The following SRGAP2C variants were observed in gnomAD, a reference collection of about 807,000 sequenced individuals.
SRGAP2C encodes the protein SLIT-ROBO Rho GTPase activating protein 2C.
A neutral mutation model predicts 25.1 loss-of-function variants in SRGAP2C; 15 were observed. The observed-to-expected ratio is 0.60, with a 90% CI of 0.40 to 0.92. The LOEUF is 0.92. Ranked by LOEUF, SRGAP2C falls within the 40% of genes least tolerant of loss-of-function variation. The pLI, the probability that SRGAP2C is intolerant of heterozygous loss-of-function variation, is 0.00. For synonymous variants in SRGAP2C, 44 were observed against 96.6 expected, an observed-to-expected ratio of 0.46 and a Z score of 3.19; for missense variants, 144 against 264.4, an observed-to-expected ratio of 0.54 and a Z score of 3.16.
intron 2 of SRGAP2C, among the ~76,000 whole-genome samples, chr1:121,234,968 T>C (rs1655911215): frequency 6.6e-6 from 1 of 151,698 alleles, no homozygotes; most frequent in African/African-American, 2.4e-5. Context: ...TCTTCTTTTC[T>C]TTCCTCCCTC....
At chr1:121,239,212 A>G (rs1469220281) in intron 2 of SRGAP2C, among the ~76,000 whole-genome samples, 1 of 4,536 alleles carries the variant, frequency 2.2e-4, no homozygotes, top group African/African-American at 1.9e-3. Flanking sequence ...ATATATATAT[A>G]TATATATATA....
At chr1:121,257,281 A>C (rs1401741947) in intron 2 of SRGAP2C, among the ~76,000 whole-genome samples, 2 of 147,430 alleles carry the variant, frequency 1.4e-5, no homozygotes, top group Non-Finnish European at 3.0e-5. Flanking sequence ...ATGCCCAGCT[A>C]ATTTTTGTAT....
At chr1:121,322,176 A>G (rs1476887838) in intron 3 of SRGAP2C, among the ~76,000 whole-genome samples, 2 of 149,680 alleles carry the variant, frequency 1.3e-5, no homozygotes, top group Non-Finnish European at 2.9e-5. Context: ...ATAGATTGAA[A>G]CCAATTGTCA....
In SRGAP2C at chr1:121,211,564, T is replaced by G. The variant is rs1391565404; in HGVS notation, c.67+24051T>G. On this transcript the variant is annotated intron_variant, in intron 2 of 9. Coordinates refer to ENST00000367123, the MANE Select transcript of SRGAP2C (RefSeq NM_001329984.2). The stretch of plus-strand genomic sequence containing the variant: ...GCCTCATAAGTAAAGAAAAAAGGTT[T>G]CTCTGCTTTTGACTTGAATTGTTGA... Among the ~76,000 whole-genome samples the G allele has an allele frequency of 4.6e-5, 7 of 150,896 alleles. No homozygotes were observed. The East Asian group carries it at 1.4e-3, about 30-fold the overall frequency.
In SRGAP2C at chr1:121,392,118, G is replaced by C. The variant is rs1456068673; in HGVS notation, c.*4263G>C. ...GAGGAAGCCATGAACTTGAAGAGAA[G>C]AAAATGGAAAATACTGTCTCTGAGA... is the stretch of plus-strand genomic sequence containing the variant. On this transcript the variant is annotated 3_prime_UTR_variant, in exon 10 of 10. Transcript: ENST00000367123. 98 of 152,216 alleles carry C rather than the reference G, an allele frequency of 6.4e-4. No homozygotes were observed. Among genetic ancestry groups the C allele is most frequent in the African/African-American group, 2.3e-3 (95 of 41,558 alleles). 9.4% of individuals were successfully genotyped at this position (152,216 alleles called of 1,614,324 possible). A position where few individuals can be genotyped will look rare whatever the true frequency, so the allele number is the denominator to read the frequency against.
rs1657795161 is a variant in SRGAP2C, at chr1:121,304,978, A to G, written c.261-19500A>G. Among the ~76,000 whole-genome samples, 6 of 152,194 alleles carry G rather than the reference A, an allele frequency of 3.9e-5. No homozygotes were observed. The South Asian group carries it at 1.2e-3, about 32-fold the overall frequency. On this transcript the variant is annotated intron_variant, in intron 3 of 9. Transcript: ENST00000367123. Reference sequence around the variant, plus strand: ...TTCAGGAGAAGTGAGAGACCCATGTATCCATAGGTTAAGTCAGGGCTTTAG... The same window carrying G: ...TTCAGGAGAAGTGAGAGACCCATGTGTCCATAGGTTAAGTCAGGGCTTTAG...
At chr1:121,222,344 T>A (rs1206162730) in intron 2 of SRGAP2C, among the ~76,000 whole-genome samples, 1 of 152,038 alleles carries the variant, frequency 6.6e-6, no homozygotes, top group Non-Finnish European at 1.5e-5. Flanking sequence ...TTGAAATGGG[T>A]TTGGGTTGGC....
At position 121,258,520 on chromosome 1, in the gene SRGAP2C, C is replaced by G. The variant is rs587707846; in HGVS notation, c.68-26283C>G. On this transcript the variant is annotated intron_variant, in intron 2 of 9. Transcript: ENST00000367123. Reference sequence around the variant, plus strand: ...TGCTCCTGTTGCCCAGGCTGGAGTGCAATGGCATGACCTTGGCTCACGGCA... The same window carrying G: ...TGCTCCTGTTGCCCAGGCTGGAGTGGAATGGCATGACCTTGGCTCACGGCA... Among the ~76,000 whole-genome samples the G allele has an allele frequency of 1.1e-3, 163 of 149,770 alleles. 2 individuals are homozygous for G. The highest frequency in any genetic ancestry group is 2.0e-3 in the Non-Finnish European group (132 of 67,484).
At chr1:121,234,749 G>A (rs1268177222) in intron 2 of SRGAP2C, among the ~76,000 whole-genome samples, 3 of 148,488 alleles carry the variant, frequency 2.0e-5, no homozygotes, top group Non-Finnish European at 4.4e-5. Context: ...GATTCATTGT[G>A]ACTTTTTCCC....
intron 3 of SRGAP2C, 68 bp downstream of exon 3, chr1:121,285,063 G>T (rs1479665302): frequency 7.8e-6 from 5 of 640,616 alleles, no homozygotes; most frequent in African/African-American, 5.6e-5. Context: ...GGGGGGCAGG[G>T]TATGCCACTT....
intron 2 of SRGAP2C, among the ~76,000 whole-genome samples, chr1:121,226,668 CT>C (rs1432583925): frequency 6.6e-6 from 1 of 151,530 alleles, no homozygotes; most frequent in Non-Finnish European, 1.5e-5. Flanking sequence ...CTGTAGAGCC[CT>C]AGACCTTTCC....
chr1:121,287,794 C>G (rs1401708613), intron 3 of SRGAP2C, among the ~76,000 whole-genome samples: 1 of 152,042 alleles, frequency 6.6e-6, no homozygotes, highest in Non-Finnish European at 1.5e-5. Context: ...CTGGTGGGTT[C>G]ATGGTCTCGC....
chr1:121,205,917 AT>A (rs1347275502), intron 2 of SRGAP2C, among the ~76,000 whole-genome samples: 1 of 121,008 alleles, frequency 8.3e-6, no homozygotes, highest in Non-Finnish European at 1.7e-5. Flanking sequence ...AAAAAAAAAA[AT>A]AACCCACAGC....
At chr1:121,374,444 C>T (rs587621242) in intron 6 of SRGAP2C, among the ~76,000 whole-genome samples, 1 of 152,112 alleles carries the variant, frequency 6.6e-6, no homozygotes, top group Admixed American at 6.5e-5. Flanking sequence ...AATCCATTTT[C>T]CAAATAGAGC....
At chr1:121,314,529 G>A (rs1443161304) in intron 3 of SRGAP2C, among the ~76,000 whole-genome samples, 6 of 152,050 alleles carry the variant, frequency 3.9e-5, no homozygotes, top group Non-Finnish European at 7.4e-5. Flanking sequence ...CAGTTTTTCT[G>A]TTCTGTTTTT....
At chr1:121,351,654 C>G (rs1474016140) in intron 4 of SRGAP2C, among the ~76,000 whole-genome samples, 2 of 149,156 alleles carry the variant, frequency 1.3e-5, no homozygotes, top group Admixed American at 1.3e-4. Flanking sequence ...AATAAATAAC[C>G]AAAAAGTGGA....
At chr1:121,329,202 C>T (rs1658383239) in intron 4 of SRGAP2C, among the ~76,000 whole-genome samples, 3 of 151,172 alleles carry the variant, frequency 2.0e-5, no homozygotes, top group Admixed American at 2.0e-4. Flanking sequence ...CAGAGCAAGA[C>T]TTCGTCTCAG....
At chr1:121,355,151 A>C (rs1659032027) in intron 4 of SRGAP2C, among the ~76,000 whole-genome samples, 1 of 142,710 alleles carries the variant, frequency 7.0e-6, no homozygotes, top group Non-Finnish European at 1.5e-5. Flanking sequence ...TAAAATGGGA[A>C]CTAGATAAAT....
Position 121,382,932 on chromosome 1 carries a change from C to T in SRGAP2C, c.1056+7C>T. The stretch of plus-strand genomic sequence containing the variant: ...GCCCCACATGGGGGATATGGTGAGG[C>T]CCTTTCCCTATACCCCCACCCTCAA... On this transcript the variant is annotated splice_region_variant and intron_variant, in intron 8 of 9. Coordinates refer to ENST00000367123, the MANE Select transcript of SRGAP2C (RefSeq NM_001329984.2). 1.8e-6 allele frequency: 1 copy of T among 557,774 alleles called. No homozygotes were observed. Among genetic ancestry groups the T allele is most frequent in the Non-Finnish European group, 3.2e-6 (1 of 313,598 alleles). The allele number at this position is 557,774 out of a possible 1,614,324, so 34.6% of individuals were successfully genotyped here.
Sources: gnomAD v4.1 joint callset for allele counts (sites outside exome capture counted in the v4.1 genomes callset) on GRCh38, gnomAD v4.1.1 for gene constraint, MANE v1.5 for transcripts, NCBI Gene and HGNC (gene_info 2026-07-23, HGNC 2026-07-21) for gene names.